PDLIM5: variants seen among roughly 807,000 people sequenced by gnomAD.
The protein encoded by PDLIM5 is PDZ and LIM domain protein 5.
A neutral mutation model predicts 64.2 loss-of-function variants in PDLIM5; 34 were observed. That is an observed-to-expected ratio of 0.53 (90% CI 0.40 to 0.71). The LOEUF (loss-of-function observed/expected upper bound fraction) is 0.71, where lower values mean the gene tolerates loss of function less well. Ranked by LOEUF, PDLIM5 falls within the 30% of genes least tolerant of loss-of-function variation. The pLI, the probability that PDLIM5 is intolerant of heterozygous loss-of-function variation, is 0.00. For missense variants in PDLIM5, 683 were observed against 733.6 expected, an observed-to-expected ratio of 0.93 and a Z score of 0.80; for synonymous variants, 253 against 269.1, an observed-to-expected ratio of 0.94 and a Z score of 0.59.
At chr4:94,543,897 A>G (rs1732070806) in intron 3 of PDLIM5, among the ~76,000 whole-genome samples, 1 of 151,628 alleles carries the variant, frequency 6.6e-6, no homozygotes, top group Non-Finnish European at 1.5e-5. Flanking sequence ...GGGAATACAG[A>G]TATCTCTTCA....
chr4:94,461,214 A>G (rs1158367799), intron 2 of PDLIM5, among the ~76,000 whole-genome samples: 1 of 152,230 alleles, frequency 6.6e-6, no homozygotes, highest in Non-Finnish European at 1.5e-5. Flanking sequence ...ACTTTGGCAG[A>G]TGAGACTCTA....
At chr4:94,576,465 G>GT (rs1187171646) in intron 5 of PDLIM5, among the ~76,000 whole-genome samples, 3 of 151,958 alleles carry the variant, frequency 2.0e-5, no homozygotes, top group East Asian at 1.9e-4. Context: ...TTTGTAAGGG[G>GT]TTTTTTTTCT....
rs746664154 is a variant in PDLIM5, at chr4:94,657,508, G to A, written c.1546G>A (p.Val516Ile). 6.2e-7 allele frequency: 1 copy of A among 1,611,142 alleles called. No homozygotes were observed. Among genetic ancestry groups the A allele is most frequent in the Non-Finnish European group, 8.5e-7 (1 of 1,177,426 alleles). ...VACGKPIRNN[V>I]FHLEDGEPYC... The stretch of plus-strand genomic sequence containing the variant: ...CTGTGGAAAGCCCATTCGGAACAAT[G>A]TTTTTCACTTGGAGGATGGTGAACC... Residue 516 changes from valine to isoleucine, a missense_variant, in exon 11 of 13, where the codon GTT (valine) becomes ATT (isoleucine). Physicochemically the swap from Val to Ile is conservative, Grantham distance 29 (BLOSUM62 3). Transcript: ENST00000317968.
At chr4:94,558,791 T>C (rs930159274) in intron 3 of PDLIM5, among the ~76,000 whole-genome samples, 19 of 151,992 alleles carry the variant, frequency 1.3e-4, no homozygotes, top group African/African-American at 4.6e-4. Context: ...TTCTGTAAAA[T>C]GAACTGTCAT....
At chr4:94,557,004 G>T (rs1733398355) in intron 3 of PDLIM5, among the ~76,000 whole-genome samples, 1 of 152,272 alleles carries the variant, frequency 6.6e-6, no homozygotes, top group East Asian at 1.9e-4. Flanking sequence ...GAATGGTATT[G>T]CCTAGGGTTT....
intron 3 of PDLIM5, among the ~76,000 whole-genome samples, chr4:94,546,529 CCAAA>C (rs1732333426): frequency 6.6e-6 from 1 of 151,994 alleles, no homozygotes; most frequent in African/African-American, 2.4e-5. Context: ...TCAAGAAGTT[CCAAA>C]CAGATTCTTT....
chr4:94,612,496 C>T (rs113854390), intron 7 of PDLIM5, among the ~76,000 whole-genome samples: 1,588 of 152,198 alleles, frequency 0.01, 30 homozygotes, highest in African/African-American at 0.036. Flanking sequence ...ACTTTTAGGA[C>T]CCGGTAAGAG....
At chr4:94,453,920 T>G (rs1470476582) in intron 1 of PDLIM5, among the ~76,000 whole-genome samples, 2 of 152,218 alleles carry the variant, frequency 1.3e-5, no homozygotes, top group African/African-American at 4.8e-5. Flanking sequence ...TTTCGGTTTC[T>G]GATACAATTT....
intron 3 of PDLIM5, among the ~76,000 whole-genome samples, chr4:94,545,314 G>A (rs1462909630): frequency 6.6e-6 from 1 of 152,102 alleles, no homozygotes; most frequent in Non-Finnish European, 1.5e-5. Flanking sequence ...TAATATGTCA[G>A]CATCTTTTGT....
In PDLIM5 at chr4:94,531,247, T is replaced by C. The variant is rs139851045; in HGVS notation, c.248+7372T>C. ...AGTTTTTCAGAAGGACTAAGTCTGA[T>C]TGATTATGTCCCCCATCCATCATTA... On this transcript the variant is annotated intron_variant, in intron 3 of 12. Transcript: ENST00000317968. 1.6e-4 allele frequency among the ~76,000 whole-genome samples: 25 copies of C among 152,308 alleles called. 1 individual carries two copies. Among genetic ancestry groups the C allele is most frequent in the African/African-American group, 5.8e-4 (24 of 41,588 alleles).
At position 94,508,120 on chromosome 4, in the gene PDLIM5, A is replaced by AG. The variant is rs199557807; in HGVS notation, c.97-15603dup. Among the ~76,000 whole-genome samples, 925 of 132,960 alleles carry AG rather than the reference A, an allele frequency of 7.0e-3. 7 individuals carry two copies. Among genetic ancestry groups the AG allele is most frequent in the African/African-American group, 0.032 (873 of 27,062 alleles). 87.2% of individuals were successfully genotyped at this position (132,960 alleles called of 152,430 possible). A position where few individuals can be genotyped will look rare whatever the true frequency, so the allele number is the denominator to read the frequency against. On this transcript the variant is annotated intron_variant, in intron 2 of 12. Coordinates refer to ENST00000317968, the MANE Select transcript of PDLIM5 (RefSeq NM_006457.5). ...AGTTTTAAAAAAGAAAAAGAAAAAA[A>AG]GAGGCACTGACATAAGAACATTTCC...
intron 7 of PDLIM5, among the ~76,000 whole-genome samples, chr4:94,612,084 A>G (rs1220254667): frequency 6.6e-6 from 1 of 152,010 alleles, no homozygotes; most frequent in African/African-American, 2.4e-5. Context: ...CGGGTGTGGC[A>G]GTGGGTGCCT....
chr4:94,581,927 AAT>A, intron 5 of PDLIM5, among the ~76,000 whole-genome samples: 1 of 152,322 alleles, frequency 6.6e-6, no homozygotes, highest in East Asian at 1.9e-4. Flanking sequence ...TCTGGGCAAT[AAT>A]TATATCACTG....
At chr4:94,573,479 GACATTCATTTAATTTATAGTCTCAGT>G in intron 4 of PDLIM5, 86 bp downstream of exon 4, 1 of 1,037,686 alleles carries the variant, frequency 9.6e-7, no homozygotes, top group South Asian at 1.3e-5. Context: ...AGACCATACT[GACATTCATTTAATTTATAGTCTCAGT>G]ACAATTTTCC....
chr4:94,453,337 A>T (rs895357817), intron 1 of PDLIM5, among the ~76,000 whole-genome samples: 1 of 152,216 alleles, frequency 6.6e-6, no homozygotes, highest in African/African-American at 2.4e-5. Flanking sequence ...ATTCCAAATG[A>T]AGCTAGCAGA....
At chr4:94,608,025 C>T (rs1410015327) in intron 7 of PDLIM5, 5 of 1,451,668 alleles carry the variant, frequency 3.4e-6, no homozygotes, top group South Asian at 1.3e-5. Context: ...TTAATATTTC[C>T]TTTGCCTTAT....
chr4:94,584,203 G>A (rs1017688975), intron 5 of PDLIM5, among the ~76,000 whole-genome samples: 1 of 152,156 alleles, frequency 6.6e-6, no homozygotes, highest in African/African-American at 2.4e-5. Flanking sequence ...CTCGTATCTT[G>A]TGCCAGTAGT....
chr4:94,606,483 C>T (rs570010124), intron 7 of PDLIM5, among the ~76,000 whole-genome samples: 46 of 151,956 alleles, frequency 3.0e-4, no homozygotes, highest in African/African-American at 1.1e-3. Flanking sequence ...TGTGCAGAGG[C>T]CAGGAGGGGG....
chr4:94,534,507 A>G (rs1293137738), intron 3 of PDLIM5, among the ~76,000 whole-genome samples: 1 of 152,168 alleles, frequency 6.6e-6, no homozygotes, highest in Non-Finnish European at 1.5e-5. Context: ...AGAATTTATA[A>G]TCTCTTTATT....
Sources: gnomAD v4.1 joint callset for allele counts (sites outside exome capture counted in the v4.1 genomes callset) on GRCh38, gnomAD v4.1.1 for gene constraint, MANE v1.5 for transcripts, NCBI Gene and HGNC (gene_info 2026-07-23, HGNC 2026-07-21) for gene names.